Variants in DPP6 observed in about 807,000 individuals in gnomAD.
DPP6 encodes A-type potassium channel modulatory protein DPP6.
DPP6 carries 69 observed loss-of-function variants against 122.6 expected under a neutral mutation model. That is an observed-to-expected ratio of 0.56 (90% confidence interval 0.46 to 0.69). The LOEUF (loss-of-function observed/expected upper bound fraction) is 0.69, where lower values mean the gene tolerates loss of function less well. Ranked by LOEUF, DPP6 falls within the 30% of genes least tolerant of loss-of-function variation. The pLI is 0.00. For synonymous variants in DPP6, 418 were observed against 433.1 expected, an observed-to-expected ratio of 0.97 and a Z score of 0.43; for missense variants, 928 against 1,116.9, an observed-to-expected ratio of 0.83 and a Z score of 2.41.
intron 1 of DPP6, among the ~76,000 whole-genome samples, chr7:154,008,808 C>A (rs1384857817): frequency 6.6e-6 from 1 of 151,418 alleles, no homozygotes; most frequent in East Asian, 1.9e-4. Context: ...ACTACAGGCG[C>A]CCGCCACTAC....
At chr7:154,668,652 C>T (rs1006003617) in intron 6 of DPP6, among the ~76,000 whole-genome samples, 40 of 152,210 alleles carry the variant, frequency 2.6e-4, no homozygotes, top group African/African-American at 7.5e-4. Flanking sequence ...CTTTTCTACA[C>T]GTTGGAGACA....
intron 20 of DPP6, among the ~76,000 whole-genome samples, chr7:154,878,179 A>G (rs1187014931): frequency 6.6e-6 from 1 of 152,198 alleles, no homozygotes; most frequent in Admixed American, 6.5e-5. Flanking sequence ...GCCCAGGGGA[A>G]AGTCGCAGCA....
chr7:154,868,122 G>A (rs1299761388), intron 18 of DPP6, 29 bp downstream of exon 18: 1 of 1,558,150 alleles, frequency 6.4e-7, no homozygotes, highest in African/African-American at 1.4e-5. Flanking sequence ...CCCTCTAAAA[G>A]AAAAAGAAAA....
intron 21 of DPP6, among the ~76,000 whole-genome samples, chr7:154,883,302 A>G (rs1426080321): frequency 1.3e-5 from 2 of 149,406 alleles, no homozygotes; most frequent in African/African-American, 5.0e-5. Context: ...ACACATGCTC[A>G]CCCATACACC....
At chr7:153,916,175 A>G (rs1800305122) in intron 1 of DPP6, among the ~76,000 whole-genome samples, 1 of 151,166 alleles carries the variant, frequency 6.6e-6, no homozygotes, top group Non-Finnish European at 1.5e-5. Context: ...GGGTTTCACC[A>G]TGTTAGCCAG....
intron 7 of DPP6, among the ~76,000 whole-genome samples, chr7:154,681,688 G>A (rs1159779838): frequency 6.6e-6 from 1 of 152,178 alleles, no homozygotes; most frequent in Non-Finnish European, 1.5e-5. Flanking sequence ...TCCCGTTTGG[G>A]TGGAGGGAAC....
chr7:153,880,070 A>G, the DPP6 span, among the ~76,000 whole-genome samples: 13 of 152,340 alleles, frequency 8.5e-5, no homozygotes, highest in African/African-American at 3.1e-4. Context: ...TCATTTATGA[A>G]TGTGTCACAA....
chr7:154,534,390 T>C (rs1828074801), intron 3 of DPP6, among the ~76,000 whole-genome samples: 1 of 152,050 alleles, frequency 6.6e-6, no homozygotes, highest in Non-Finnish European at 1.5e-5. Flanking sequence ...GTTAGTGCAG[T>C]AAAGCCAAAA....
chr7:154,773,144 T>C (rs539917241), intron 10 of DPP6, among the ~76,000 whole-genome samples: 1 of 152,326 alleles, frequency 6.6e-6, no homozygotes, highest in Non-Finnish European at 1.5e-5. Flanking sequence ...TATTATTTTT[T>C]ACCTTAGGTC....
intron 1 of DPP6, among the ~76,000 whole-genome samples, chr7:154,441,115 A>T (rs148541496): frequency 1.4e-4 from 21 of 152,262 alleles, no homozygotes; most frequent in Middle Eastern, 3.4e-3. Context: ...TTTACTGTGG[A>T]GTCACAATTA....
At chr7:154,192,104 AGGT>A (rs772119351) in intron 1 of DPP6, among the ~76,000 whole-genome samples, 1 of 152,220 alleles carries the variant, frequency 6.6e-6, no homozygotes, top group African/African-American at 2.4e-5. Flanking sequence ...GATGAAAGTG[AGGT>A]GAAGACTGAT....
chr7:154,631,203 G>C (rs1835387597), intron 5 of DPP6, among the ~76,000 whole-genome samples: 2 of 152,196 alleles, frequency 1.3e-5, no homozygotes, highest in African/African-American at 2.4e-5. Context: ...GGAGCCCCTG[G>C]GATGGCAGGT....
At chr7:154,756,439 G>A (rs375408427) in intron 8 of DPP6, among the ~76,000 whole-genome samples, 19 of 152,246 alleles carry the variant, frequency 1.2e-4, no homozygotes, top group African/African-American at 4.3e-4. Context: ...ACGATTTTAC[G>A]GATAATAGTT....
rs578230516 is a variant in DPP6, at chr7:154,382,262, A to G, written c.244-63952A>G. On this transcript the variant is annotated intron_variant, in intron 1 of 25. Transcript: ENST00000377770. ...GAGTGCAGTGCTGCAATCTTGGCTC[A>G]CTGCAGCCTCCACCTCCCAGGTTCA... Among the ~76,000 whole-genome samples the G allele has an allele frequency of 3.3e-5, 5 of 152,040 alleles. No homozygotes were observed. The South Asian group carries it at 1.0e-3, about 32-fold the overall frequency.
chr7:153,892,234 C>T (rs1162911185), intron 1 of DPP6, among the ~76,000 whole-genome samples: 1 of 152,202 alleles, frequency 6.6e-6, no homozygotes, highest in Non-Finnish European at 1.5e-5. Context: ...TGATGCTGTA[C>T]TTGTAATTAG....
intron 5 of DPP6, among the ~76,000 whole-genome samples, chr7:154,571,149 A>G (rs1254281771): frequency 6.6e-6 from 1 of 152,168 alleles, no homozygotes; most frequent in Non-Finnish European, 1.5e-5. Flanking sequence ...AGAAATAGCA[A>G]TTTTTTATTT....
chr7:153,938,060 T>A (rs941889582), intron 1 of DPP6, among the ~76,000 whole-genome samples: 2 of 152,170 alleles, frequency 1.3e-5, no homozygotes, highest in African/African-American at 4.8e-5. Context: ...CTTCCTGCAG[T>A]GTATTACATC....
intron 1 of DPP6, among the ~76,000 whole-genome samples, chr7:153,974,138 C>T (rs1796174987): frequency 1.3e-5 from 2 of 152,086 alleles, no homozygotes. Flanking sequence ...TTTTTCTGTC[C>T]AAGGCAAAGC....
At chr7:154,106,745 A>G (rs1359037657) in intron 1 of DPP6, among the ~76,000 whole-genome samples, 1 of 152,180 alleles carries the variant, frequency 6.6e-6, no homozygotes, top group Non-Finnish European at 1.5e-5. Context: ...GCAGGTGCAC[A>G]GTCCCTGGAG....
Sources: gnomAD v4.1 joint callset for allele counts (sites outside exome capture counted in the v4.1 genomes callset) on GRCh38, gnomAD v4.1.1 for gene constraint, MANE v1.5 for transcripts, NCBI Gene and HGNC (gene_info 2026-07-23, HGNC 2026-07-21) for gene names.